The following TCP11L2 variants were observed in gnomAD, a reference collection of about 807,000 sequenced individuals.
TCP11L2 encodes the protein t-complex 11 like 2.
In TCP11L2, 39 loss-of-function variants were observed where a neutral mutation model predicts 50.7. The ratio of observed to expected loss-of-function variants is 0.77; its 90% CI spans 0.60 to 1.01. The LOEUF (loss-of-function observed/expected upper bound fraction) is 1.01. Among genes scored for constraint, TCP11L2 ranks in the 50% least tolerant of loss-of-function variants. The pLI, the probability that TCP11L2 is intolerant of heterozygous loss-of-function variation, is 0.00. For synonymous variants in TCP11L2, 192 were observed against 219.3 expected (o/e 0.88, Z 1.10); for missense variants, 612 against 614.7 (o/e 1.00, Z 0.05).
At chr12:106,336,685 T>C (rs2035932654) in intron 8 of TCP11L2, among the ~76,000 whole-genome samples, 1 of 151,842 alleles carries the variant, frequency 6.6e-6, no homozygotes. Flanking sequence ...CCCAAGTAGC[T>C]GGGACTACAG....
chr12:106,318,677 C>T (rs905378585), intron 4 of TCP11L2, among the ~76,000 whole-genome samples: 12 of 152,182 alleles, frequency 7.9e-5, no homozygotes, highest in African/African-American at 1.9e-4. Context: ...TGTGTCTTCA[C>T]GTGGCAGAAA....
At chr12:106,316,310 A>C (rs570181044) in intron 3 of TCP11L2, among the ~76,000 whole-genome samples, 3 of 152,304 alleles carry the variant, frequency 2.0e-5, no homozygotes, top group South Asian at 4.1e-4. Flanking sequence ...TTTCTTTGCC[A>C]AAAACTCTTC....
intron 4 of TCP11L2, among the ~76,000 whole-genome samples, chr12:106,319,680 C>T (rs1308091110): frequency 6.6e-6 from 1 of 152,164 alleles, no homozygotes; most frequent in African/African-American, 2.4e-5. Context: ...CTAGATTGTT[C>T]ATTTCTTCTT....
chr12:106,335,557 CA>C (rs1209790860), intron 6 of TCP11L2, 81 bp from the exon 7 acceptor site: 1 of 1,438,936 alleles, frequency 6.9e-7, no homozygotes, highest in African/African-American at 1.4e-5. Context: ...GCCCAGCACC[CA>C]ACACAGCATC....
At chr12:106,309,378 C>G (rs1429676163) in intron 1 of TCP11L2, among the ~76,000 whole-genome samples, 7 of 151,990 alleles carry the variant, frequency 4.6e-5, no homozygotes. Context: ...GTGAGTGTCT[C>G]CACTCCACTC....
chr12:106,316,450 C>T (rs1304884456), intron 3 of TCP11L2, among the ~76,000 whole-genome samples: 1 of 152,114 alleles, frequency 6.6e-6, no homozygotes, highest in Non-Finnish European at 1.5e-5. Flanking sequence ...GGCTTCCTTC[C>T]TTACCTCAGG....
intron 6 of TCP11L2, among the ~76,000 whole-genome samples, chr12:106,334,969 T>C (rs566706188): frequency 4.6e-5 from 7 of 151,994 alleles, no homozygotes; most frequent in African/African-American, 1.7e-4. Context: ...GAAAATAATA[T>C]TATTCAAAAC....
At chr12:106,327,690 CT>C (rs2035606603) in intron 6 of TCP11L2, among the ~76,000 whole-genome samples, 1 of 152,196 alleles carries the variant, frequency 6.6e-6, no homozygotes, top group African/African-American at 2.4e-5. Context: ...AAGTCAGCCC[CT>C]GTGCCCTAAT....
At chr12:106,343,803 C>A (rs572469136) in intron 9 of TCP11L2, among the ~76,000 whole-genome samples, 1 of 151,478 alleles carries the variant, frequency 6.6e-6, no homozygotes, top group Non-Finnish European at 1.5e-5. Flanking sequence ...ACTACAGGTG[C>A]GGACCACCAA....
At chr12:106,330,916 G>A (rs1921952) in intron 6 of TCP11L2, among the ~76,000 whole-genome samples, 54,388 of 152,008 alleles carry the variant, frequency 0.36, 10,236 homozygotes, top group African/African-American at 0.45. Flanking sequence ...AACCTATATT[G>A]TAGTAATATT....
chr12:106,338,498 T>C (rs1356120670), intron 8 of TCP11L2, among the ~76,000 whole-genome samples: 2 of 152,262 alleles, frequency 1.3e-5, no homozygotes, highest in Non-Finnish European at 2.9e-5. Flanking sequence ...CATGATCTTA[T>C]TCTTTTTACA....
intron 1 of TCP11L2, among the ~76,000 whole-genome samples, chr12:106,309,165 T>G (rs1406070564): frequency 6.6e-6 from 1 of 152,174 alleles, no homozygotes; most frequent in Non-Finnish European, 1.5e-5. Context: ...ACATTCCATT[T>G]AGGATTTGGG....
At chr12:106,314,719 G>A (rs748183226) in intron 3 of TCP11L2, among the ~76,000 whole-genome samples, 3 of 151,944 alleles carry the variant, frequency 2.0e-5, no homozygotes, top group Non-Finnish European at 2.9e-5. Flanking sequence ...AAAAATTCTC[G>A]CTGGGTGTGA....
At chr12:106,334,655 T>C (rs543994625) in intron 6 of TCP11L2, among the ~76,000 whole-genome samples, 1 of 152,196 alleles carries the variant, frequency 6.6e-6, no homozygotes, top group South Asian at 2.1e-4. Context: ...GAAAATAATA[T>C]TATTCAGCCG....
Position 106,311,031 on chromosome 12 carries a change from G to C in TCP11L2, c.-35-10G>C, listed in dbSNP as rs1202760255. On this transcript the variant is annotated splice_polypyrimidine_tract_variant and intron_variant, in intron 1 of 9. Coordinates refer to ENST00000299045, the MANE Select transcript of TCP11L2 (RefSeq NM_152772.3). ...CAGAACATTGACGCAGGGTCTGTTT[G>C]TCTGTGCAGGTGCTACCTTTTTACC... 1 of 1,601,072 alleles carries C rather than the reference G, an allele frequency of 6.2e-7. No individual in the cohort carries two copies.
chr12:106,346,469 G>T lies in TCP11L2; in HGVS notation c.1499G>T (p.Arg500Leu), dbSNP rs377149486. 2 of 1,614,066 alleles carry T rather than the reference G, an allele frequency of 1.2e-6. No homozygotes were observed. The highest frequency in any genetic ancestry group is 1.7e-6 in the Non-Finnish European group (2 of 1,179,994). Reference sequence around the variant, plus strand: ...GGACCATTTTATGCAAATATACTTCGAAAGCTGCTCTTCAATGAGGAAGCC... The same window carrying T: ...GGACCATTTTATGCAAATATACTTCTAAAGCTGCTCTTCAATGAGGAAGCC... The part of the protein sequence containing the change: ...VYGPFYANIL[R>L]KLLFNEEAMG... The change falls in exon 10 of 10, where the codon CGA becomes CTA. Residue 500 changes from arginine (R) to leucine (L), a missense_variant. Coordinates refer to ENST00000299045, the MANE Select transcript of TCP11L2 (RefSeq NM_152772.3).
At chr12:106,299,278 C>T (rs1391741285), upstream of TCP11L2, among the ~76,000 whole-genome samples, 3 of 152,030 alleles carry the variant, frequency 2.0e-5, no homozygotes, top group Non-Finnish European at 4.4e-5. Flanking sequence ...AAGTTTTTGT[C>T]GTTTTTTGTT....
At chr12:106,318,288 T>C (rs1247981069) in intron 3 of TCP11L2, 56 bp from the exon 4 acceptor site, 11 of 1,581,176 alleles carry the variant, frequency 7.0e-6, no homozygotes, top group Non-Finnish European at 8.6e-6. Context: ...ATGTTTCTTT[T>C]ATAATCAGGA....
chr12:106,310,779 T>C (rs931502422), intron 1 of TCP11L2, among the ~76,000 whole-genome samples: 1 of 152,244 alleles, frequency 6.6e-6, no homozygotes, highest in African/African-American at 2.4e-5. Flanking sequence ...GACCTGCCAT[T>C]ACTTAGAGCT....
Sources: allele counts gnomAD v4.1 joint callset (sites outside exome capture counted in the v4.1 genomes callset), GRCh38; gene constraint gnomAD v4.1.1; transcripts MANE v1.5; gene names NCBI Gene and HGNC (gene_info 2026-07-23, HGNC 2026-07-21).